The following MED12L variants were observed in gnomAD, a reference collection of about 807,000 sequenced individuals.
MED12L encodes mediator complex subunit 12L.
MED12L carries 60 observed loss-of-function variants against 281.3 expected under a neutral mutation model. The ratio of observed to expected loss-of-function variants is 0.21; its 90% CI spans 0.17 to 0.26. The LOEUF is 0.26. Among genes scored for constraint, MED12L ranks in the 10% least tolerant of loss-of-function variants. The pLI is 1.00. For missense variants in MED12L, 2,146 were observed against 2,680.9 expected, an observed-to-expected ratio of 0.80 and a Z score of 4.41; for synonymous variants, 974 against 987.2, an observed-to-expected ratio of 0.99 and a Z score of 0.25.
chr3:151,182,748 A>G (rs555336824), intron 11 of MED12L, among the ~76,000 whole-genome samples: 2 of 152,198 alleles, frequency 1.3e-5, no homozygotes, highest in African/African-American at 2.4e-5. Context: ...AGGACAAGAA[A>G]TGTATTTGAG....
chr3:151,203,528 AT>A (rs1725948629), intron 16 of MED12L, among the ~76,000 whole-genome samples: 1 of 151,916 alleles, frequency 6.6e-6, no homozygotes, highest in South Asian at 2.1e-4. Flanking sequence ...TTAAGCAAAT[AT>A]TTTTTCAGTA....
At chr3:151,221,407 C>G (rs931752821) in intron 16 of MED12L, among the ~76,000 whole-genome samples, 1 of 152,152 alleles carries the variant, frequency 6.6e-6, no homozygotes, top group Non-Finnish European at 1.5e-5. Flanking sequence ...GAAAATGTAT[C>G]CAGGGCATGT....
chr3:151,158,749 A>G lies in MED12L; in HGVS notation c.787A>G (p.Arg263Gly). Residue 263 changes from arginine (R) to glycine (G), a missense_variant, in exon 7 of 45, where the codon AGA becomes GGA. By Grantham distance (125) the Arg-to-Gly change is moderately radical. Transcript: ENST00000687756. Reference protein sequence around the residue: ...TWILDVLEKIRPMDDDLLKLL... With the variant: ...TWILDVLEKIGPMDDDLLKLL... ...GATCCTGGATGTTTTAGAAAAGATC[A>G]GACCAATGGATGATGATCTTCTTAA... 1.2e-6 allele frequency: 2 copies of G among 1,613,416 alleles called. No individual in the cohort carries two copies. Among genetic ancestry groups the G allele is most frequent in the Non-Finnish European group, 1.7e-6 (2 of 1,179,568 alleles).
At chr3:151,134,372 A>G (rs891653401) in intron 5 of MED12L, among the ~76,000 whole-genome samples, 1 of 152,174 alleles carries the variant, frequency 6.6e-6, no homozygotes, top group East Asian at 1.9e-4. Context: ...TGTGAAAGAG[A>G]TACGTTATTC....
chr3:151,133,556 G>C (rs1715708802), intron 5 of MED12L, among the ~76,000 whole-genome samples: 1 of 151,834 alleles, frequency 6.6e-6, no homozygotes, highest in Non-Finnish European at 1.5e-5. Flanking sequence ...AGGGGAATTA[G>C]GGAAGCCTGA....
intron 17 of MED12L, among the ~76,000 whole-genome samples, chr3:151,351,978 G>C (rs2150028802): frequency 6.6e-6 from 1 of 152,232 alleles, no homozygotes; most frequent in South Asian, 2.1e-4. Context: ...AAACAGGTGA[G>C]GTATTCCTTA....
chr3:151,182,336 C>G (rs1722804489), intron 11 of MED12L, among the ~76,000 whole-genome samples: 1 of 149,436 alleles, frequency 6.7e-6, no homozygotes, highest in Admixed American at 6.6e-5. Flanking sequence ...GTAAGTGGGC[C>G]TGCTGAGTGG....
intron 16 of MED12L, among the ~76,000 whole-genome samples, chr3:151,281,422 TA>T (rs1405180333): frequency 6.6e-6 from 1 of 151,282 alleles, no homozygotes; most frequent in Non-Finnish European, 1.5e-5. Flanking sequence ...AATAAATAAA[TA>T]AAAAATAAAA....
At chr3:151,373,193 A>G (rs1410427204) in intron 27 of MED12L, among the ~76,000 whole-genome samples, 1 of 152,058 alleles carries the variant, frequency 6.6e-6, no homozygotes, top group Non-Finnish European at 1.5e-5. Flanking sequence ...TAATTGTCCC[A>G]GTATTGTTGG....
chr3:151,239,939 A>G (rs1210327265), intron 16 of MED12L, among the ~76,000 whole-genome samples: 2 of 152,180 alleles, frequency 1.3e-5, no homozygotes, highest in Admixed American at 6.5e-5. Flanking sequence ...TACAGAACAC[A>G]TATCTTTCAC....
Position 151,143,910 on chromosome 3 carries a change from G to A in MED12L, c.557-12251G>A, listed in dbSNP as rs1428863376. ...CCAATTTAATATTTGTAAAAATGCT[G>A]TCCCTGTTATTCCCTATGATACGAA... On this transcript the variant is annotated intron_variant, in intron 5 of 44. Coordinates refer to ENST00000687756, the MANE Select transcript of MED12L (RefSeq NM_001393769.1). Among the ~76,000 whole-genome samples the A allele has an allele frequency of 2.0e-5, 3 of 152,332 alleles. No homozygotes were observed. The East Asian group carries it at 5.8e-4, about 29-fold the overall frequency.
At chr3:151,427,947 C>G (rs1447410006) in intron 43 of MED12L, among the ~76,000 whole-genome samples, 1 of 152,196 alleles carries the variant, frequency 6.6e-6, no homozygotes, top group Non-Finnish European at 1.5e-5. Context: ...CTTAACCAGT[C>G]AGAAGTGAAC....
At chr3:151,385,293 T>A in intron 36 of MED12L, 102 bp downstream of exon 36, 1 of 682,786 alleles carries the variant, frequency 1.5e-6, no homozygotes, top group Non-Finnish European at 2.3e-6. Context: ...AATTTTGCTG[T>A]TGATGTTTTT....
rs558207729 is a variant in MED12L at position 151,414,508 on chromosome 3, A to C, written c.6297+1213A>C. On this transcript the variant is annotated intron_variant, in intron 42 of 44. Transcript: ENST00000687756. The stretch of plus-strand genomic sequence containing the variant: ...TGACACTGGATAGAGGGGAGAAACA[A>C]ATATCTCCCCTGAGCATTTGAACCA... Among the ~76,000 whole-genome samples the C allele has an allele frequency of 2.0e-5, 3 of 152,304 alleles. No individual in the cohort carries two copies. The South Asian group carries it at 6.2e-4, about 32-fold the overall frequency.
rs894601211 is a variant in MED12L at position 151,421,713 on chromosome 3, A to C, written c.6408+5291A>C. Among the ~76,000 whole-genome samples, 5 of 152,060 alleles carry C rather than the reference A, an allele frequency of 3.3e-5. No homozygotes were observed. In the East Asian group the frequency reaches 9.7e-4, roughly 29 times the overall value. On this transcript the variant is annotated intron_variant, in intron 43 of 44. Transcript: ENST00000687756. ...CATGAGCCACCATGCCTGGCAAGAAAATTTTTATATATCCTTTTATCTTTC... is the reference window on the plus strand; with the variant it reads ...CATGAGCCACCATGCCTGGCAAGAACATTTTTATATATCCTTTTATCTTTC...
At chr3:151,272,052 A>G (rs952442616) in intron 16 of MED12L, among the ~76,000 whole-genome samples, 1 of 152,242 alleles carries the variant, frequency 6.6e-6, no homozygotes. Flanking sequence ...TCTTGAAGCA[A>G]TACAGATGTT....
Position 151,085,875 on chromosome 3 carries a change from G to T in MED12L, c.-191G>T, listed in dbSNP as rs1428928907. The stretch of plus-strand genomic sequence containing the variant: ...CCCCATCCCAACCCGAATGATGGAG[G>T]CTGCGGCGGCCGGAGTGACCCCGCC... On this transcript the variant is annotated 5_prime_UTR_variant, in exon 1 of 45. Coordinates refer to ENST00000687756, the MANE Select transcript of MED12L (RefSeq NM_001393769.1). 6.6e-6 allele frequency: 1 copy of T among 152,058 alleles called. No homozygotes were observed. Among genetic ancestry groups the T allele is most frequent in the East Asian group, 2.0e-4 (1 of 5,126 alleles). The allele number at this position is 152,058 out of a possible 1,614,324, so 9.4% of individuals were successfully genotyped here.
intron 16 of MED12L, among the ~76,000 whole-genome samples, chr3:151,334,196 C>CTTTTTTTTTTTTTTTTTTTTTTTTT (rs71138494): frequency 8.5e-6 from 1 of 118,230 alleles, no homozygotes; most frequent in African/African-American, 3.2e-5. Flanking sequence ...TTCTTTCTTT[C>CTTTTTTTTTTTTTTTTTTTTTTTTT]TTTTTTTTTT....
chr3:151,293,762 C>T (rs1223018733), intron 16 of MED12L, among the ~76,000 whole-genome samples: 2 of 152,040 alleles, frequency 1.3e-5, no homozygotes, highest in Non-Finnish European at 2.9e-5. Flanking sequence ...GGATGACTGC[C>T]AAAGATCTTA....
Sources: gnomAD v4.1 joint callset for allele counts (sites outside exome capture counted in the v4.1 genomes callset) on GRCh38, gnomAD v4.1.1 for gene constraint, MANE v1.5 for transcripts, NCBI Gene and HGNC (gene_info 2026-07-23, HGNC 2026-07-21) for gene names.